Variants in CNTNAP2 observed in about 807,000 individuals in gnomAD.
CNTNAP2 encodes the protein contactin-associated protein-like 2.
Under a neutral mutation model 155.2 loss-of-function variants are expected in CNTNAP2, and 98 were observed. The ratio of observed to expected loss-of-function variants is 0.63; its 90% confidence interval spans 0.54 to 0.75. CNTNAP2 has a LOEUF of 0.75. Ranked by LOEUF, CNTNAP2 falls within the 30% of genes least tolerant of loss-of-function variation. The pLI is 0.00. For synonymous variants in CNTNAP2, 651 were observed against 631.2 expected (o/e 1.03, Z -0.47); for missense variants, 1,727 against 1,688.1 (o/e 1.02, Z -0.40).
At chr7:147,427,652 G>GA (rs1365248456) in intron 10 of CNTNAP2, among the ~76,000 whole-genome samples, 3 of 152,114 alleles carry the variant, frequency 2.0e-5, no homozygotes, top group Non-Finnish European at 4.4e-5. Flanking sequence ...AAAACTGAGA[G>GA]AATTGAACGG....
At position 147,563,224 on chromosome 7, in the gene CNTNAP2, T is replaced by A. The variant is rs76135597; in HGVS notation, c.1897+967T>A. 2.8e-3 allele frequency among the ~76,000 whole-genome samples: 434 copies of A among 152,336 alleles called. 5 individuals are homozygous for A. The highest frequency in any genetic ancestry group is 9.5e-3 in the African/African-American group (393 of 41,572). On this transcript the variant is annotated intron_variant, in intron 12 of 23. Coordinates refer to ENST00000361727, the MANE Select transcript of CNTNAP2 (RefSeq NM_014141.6). ...ATACCCACCTCATAGCATTATTGTATGAATACAATAAGGTAATCTGCATAT... is the reference window on the plus strand; with the variant it reads ...ATACCCACCTCATAGCATTATTGTAAGAATACAATAAGGTAATCTGCATAT...
intron 8 of CNTNAP2, among the ~76,000 whole-genome samples, chr7:147,148,250 C>T (rs997158056): frequency 2.0e-5 from 3 of 151,390 alleles, no homozygotes; most frequent in Non-Finnish European, 2.9e-5. Flanking sequence ...AATAGCCGGG[C>T]GTAGTGGCGG....
chr7:147,091,563 T>G (rs1370768630), intron 4 of CNTNAP2, among the ~76,000 whole-genome samples: 1 of 151,922 alleles, frequency 6.6e-6, no homozygotes, highest in Non-Finnish European at 1.5e-5. Context: ...AAGATTCTCT[T>G]GCCTCAGCTT....
At chr7:148,214,113 C>T (rs947289007) in intron 18 of CNTNAP2, among the ~76,000 whole-genome samples, 4 of 152,184 alleles carry the variant, frequency 2.6e-5, no homozygotes, top group African/African-American at 9.7e-5. Context: ...GCAAGTCTTC[C>T]ACCACCCCTG....
At chr7:146,261,807 GA>G (rs1799923095) in intron 1 of CNTNAP2, among the ~76,000 whole-genome samples, 1 of 152,050 alleles carries the variant, frequency 6.6e-6, no homozygotes, top group African/African-American at 2.4e-5. Flanking sequence ...GTCTCTATTT[GA>G]AAATGTATCC....
chr7:146,776,007 A>C (rs1039225837), intron 2 of CNTNAP2, among the ~76,000 whole-genome samples: 2 of 152,180 alleles, frequency 1.3e-5, no homozygotes, highest in African/African-American at 4.8e-5. Context: ...AAAATTCTGC[A>C]TAAAGATGTT....
At chr7:148,338,551 TG>T (rs914808781) in intron 21 of CNTNAP2, among the ~76,000 whole-genome samples, 16 of 148,806 alleles carry the variant, frequency 1.1e-4, no homozygotes, top group Admixed American at 1.3e-4. Flanking sequence ...AATTGGGGCG[TG>T]GGGGGGTGAG....
At chr7:146,579,504 T>C (rs1798577765) in intron 1 of CNTNAP2, among the ~76,000 whole-genome samples, 1 of 152,108 alleles carries the variant, frequency 6.6e-6, no homozygotes, top group South Asian at 2.1e-4. Flanking sequence ...TGGTCAATAG[T>C]GTTTGCAACC....
chr7:147,223,757 A>G (rs1436272656), intron 8 of CNTNAP2, among the ~76,000 whole-genome samples: 3 of 152,044 alleles, frequency 2.0e-5, no homozygotes, highest in Non-Finnish European at 4.4e-5. Flanking sequence ...CCTGACAAAC[A>G]TGGTGGAACC....
chr7:147,140,011 C>T (rs1563090728), intron 8 of CNTNAP2, among the ~76,000 whole-genome samples: 1 of 152,028 alleles, frequency 6.6e-6, no homozygotes, highest in Non-Finnish European at 1.5e-5. Context: ...TGAGCTCAGA[C>T]CCTACTTCTG....
At chr7:147,991,592 A>AT (rs1554459089) in intron 15 of CNTNAP2, among the ~76,000 whole-genome samples, 1 of 151,836 alleles carries the variant, frequency 6.6e-6, no homozygotes, top group Non-Finnish European at 1.5e-5. Flanking sequence ...TTAAAAAAAA[A>AT]CTCTTTTGCT....
intron 1 of CNTNAP2, among the ~76,000 whole-genome samples, chr7:146,332,941 A>ATTTTTTTTTTTTTTTTTTTTTTTTT (rs4016094): frequency 3.3e-4 from 34 of 102,454 alleles, no homozygotes; most frequent in Non-Finnish European, 5.3e-4. Flanking sequence ...TTCTTCTTCT[A>ATTTTTTTTTTTTTTTTTTTTTTTTT]TTTTTTTTTT....
At chr7:146,881,632 C>T (rs543242530) in intron 3 of CNTNAP2, among the ~76,000 whole-genome samples, 28 of 150,902 alleles carry the variant, frequency 1.9e-4, no homozygotes, top group African/African-American at 6.1e-4. Context: ...GATTTTTTGA[C>T]ACAATAAATG....
chr7:147,545,212 C>A (rs527897075), intron 11 of CNTNAP2, among the ~76,000 whole-genome samples: 2 of 152,048 alleles, frequency 1.3e-5, no homozygotes, highest in Non-Finnish European at 1.5e-5. Context: ...GCCCTGGGCA[C>A]GATGCCTTTT....
intron 1 of CNTNAP2, among the ~76,000 whole-genome samples, chr7:146,712,487 G>A (rs1801113947): frequency 6.7e-6 from 1 of 149,442 alleles, no homozygotes; most frequent in African/African-American, 2.4e-5. Flanking sequence ...TTGAAGAATA[G>A]AAAGTTTTTT....
At chr7:147,744,494 T>A (rs535766406) in intron 13 of CNTNAP2, among the ~76,000 whole-genome samples, 1 of 152,372 alleles carries the variant, frequency 6.6e-6, no homozygotes, top group African/African-American at 2.4e-5. Context: ...TATGCTAGAC[T>A]GAACTAATTG....
At chr7:147,695,628 A>C (rs779116571) in intron 13 of CNTNAP2, among the ~76,000 whole-genome samples, 11 of 151,996 alleles carry the variant, frequency 7.2e-5, no homozygotes, top group Non-Finnish European at 1.6e-4. Flanking sequence ...TGAATGAAAC[A>C]CTGTCTGTAC....
At chr7:148,133,053 A>G (rs1160382659) in intron 16 of CNTNAP2, among the ~76,000 whole-genome samples, 1 of 152,208 alleles carries the variant, frequency 6.6e-6, no homozygotes, top group Admixed American at 6.5e-5. Flanking sequence ...GAATAAATGA[A>G]AAAAATGTGA....
At chr7:147,725,841 GCCTCTTTTCTCC>G (rs1796632629) in intron 13 of CNTNAP2, among the ~76,000 whole-genome samples, 1 of 152,032 alleles carries the variant, frequency 6.6e-6, no homozygotes, top group African/African-American at 2.4e-5. Flanking sequence ...GCTGCTATAG[GCCTCTTTTCTCC>G]CCTCTGTCAA....
Sources: allele counts gnomAD v4.1 joint callset (sites outside exome capture counted in the v4.1 genomes callset), GRCh38; gene constraint gnomAD v4.1.1; transcripts MANE v1.5; gene names NCBI Gene and HGNC (gene_info 2026-07-23, HGNC 2026-07-21).